Variants in RNLS observed in about 807,000 individuals in gnomAD.
The protein encoded by RNLS is renalase, FAD dependent amine oxidase.
Under a neutral mutation model 39.8 loss-of-function variants are expected in RNLS, and 39 were observed. The ratio of observed to expected loss-of-function variants is 0.98; its 90% CI spans 0.76 to 1.28. RNLS has a LOEUF of 1.28. Ranked by LOEUF, RNLS falls within the 50% of genes most tolerant of loss-of-function variation. The pLI is 0.00. For missense variants in RNLS, 410 were observed against 413.3 expected (o/e 0.99, Z 0.07); for synonymous variants, 147 against 150.7 (o/e 0.98, Z 0.18).
At chr10:88,473,708 C>T in intron 4 of RNLS, among the ~76,000 whole-genome samples, 2 of 146,466 alleles carry the variant, frequency 1.4e-5, no homozygotes, top group African/African-American at 4.9e-5. Context: ...TTTGGGCAAC[C>T]CTTTAGACCT....
At chr10:88,436,464 T>G (rs1360388436) in intron 4 of RNLS, among the ~76,000 whole-genome samples, 1 of 152,226 alleles carries the variant, frequency 6.6e-6, no homozygotes, top group Non-Finnish European at 1.5e-5. Flanking sequence ...TTATGCCAGT[T>G]GTATATTTTA....
In RNLS at chr10:88,557,184, T is replaced by C. The variant is rs74527801; in HGVS notation, c.526+15719A>G. 5.7e-4 allele frequency among the ~76,000 whole-genome samples: 87 copies of C among 152,296 alleles called. 2 individuals are homozygous for C. In the East Asian group the frequency reaches 0.015, roughly 27 times the overall value. On this transcript the variant is annotated intron_variant, in intron 4 of 6. Transcript: ENST00000331772. ...GCATTTGGCAAGTAAAATTATAAGA[T>C]GCAAAAAGTATCTAAAAAGTCACAG...
the RNLS span, among the ~76,000 whole-genome samples, chr10:88,240,091 C>T: frequency 8.5e-5 from 13 of 152,276 alleles, no homozygotes; most frequent in Non-Finnish European, 1.3e-4. Context: ...TTTCCTTCTT[C>T]GCTCTGTTTT....
At chr10:88,333,721 T>C (rs1167686959) in intron 5 of RNLS, among the ~76,000 whole-genome samples, 3 of 152,188 alleles carry the variant, frequency 2.0e-5, no homozygotes, top group Admixed American at 2.0e-4. Context: ...AAAACTCGTA[T>C]GTGAAATCTA....
chr10:88,524,284 T>C (rs1348704919), intron 4 of RNLS, among the ~76,000 whole-genome samples: 2 of 152,114 alleles, frequency 1.3e-5, no homozygotes, highest in African/African-American at 2.4e-5. Flanking sequence ...CATGTATATA[T>C]TGTGACGTTA....
chr10:88,384,974 C>CACTT lies in RNLS; in HGVS notation c.527-22253_527-22250dup, dbSNP rs576387899. Among the ~76,000 whole-genome samples, 326 of 152,332 alleles carry CACTT rather than the reference C, an allele frequency of 2.1e-3. 1 individual carries two copies. Among genetic ancestry groups the CACTT allele is most frequent in the African/African-American group, 7.4e-3 (308 of 41,564 alleles). On this transcript the variant is annotated intron_variant, in intron 4 of 6. Transcript: ENST00000331772. ...GTTAGCTGTGTGACCTTGGTCAAATCACTTAACCTTTCTGAGCTGAGGTAC... is the reference window on the plus strand; with the variant it reads ...GTTAGCTGTGTGACCTTGGTCAAATCACTTACTTAACCTTTCTGAGCTGAGGTAC...
chr10:88,296,683 A>T (rs1844120234), intron 6 of RNLS, among the ~76,000 whole-genome samples: 1 of 152,158 alleles, frequency 6.6e-6, no homozygotes, highest in South Asian at 2.1e-4. Context: ...GCTTAATTGA[A>T]CCTATATACA....
At chr10:88,489,027 G>A (rs904330587) in intron 4 of RNLS, among the ~76,000 whole-genome samples, 1 of 152,102 alleles carries the variant, frequency 6.6e-6, no homozygotes, top group African/African-American at 2.4e-5. Context: ...GTACAAAGTG[G>A]TCTTACCTCG....
chr10:88,326,268 T>C (rs1284208137), intron 5 of RNLS, among the ~76,000 whole-genome samples: 2 of 152,178 alleles, frequency 1.3e-5, no homozygotes, highest in Admixed American at 6.5e-5. Context: ...GTGGGGAAGT[T>C]TGGAACTTCC....
At chr10:88,335,852 A>C (rs1205818477) in intron 5 of RNLS, among the ~76,000 whole-genome samples, 1 of 152,216 alleles carries the variant, frequency 6.6e-6, no homozygotes, top group Non-Finnish European at 1.5e-5. Flanking sequence ...GATGATTGTT[A>C]TTCAGTGTTT....
intron 5 of RNLS, among the ~76,000 whole-genome samples, chr10:88,317,887 G>C (rs1316403965): frequency 6.6e-6 from 1 of 152,186 alleles, no homozygotes; most frequent in Non-Finnish European, 1.5e-5. Flanking sequence ...CTGTGCTAAG[G>C]GGTAGTGGGT....
At chr10:88,231,871 T>C in the RNLS span, among the ~76,000 whole-genome samples, 2 of 151,836 alleles carry the variant, frequency 1.3e-5, no homozygotes, top group Admixed American at 1.3e-4. Flanking sequence ...CAAAAAAAAT[T>C]GGATGTATTT....
intron 6 of RNLS, among the ~76,000 whole-genome samples, chr10:88,307,811 A>C (rs1845039076): frequency 6.6e-6 from 1 of 152,260 alleles, no homozygotes; most frequent in Non-Finnish European, 1.5e-5. Flanking sequence ...CATTCTTCAA[A>C]AAACTAGAAA....
the RNLS span, among the ~76,000 whole-genome samples, chr10:88,267,972 T>C: frequency 6.6e-6 from 1 of 152,202 alleles, no homozygotes; most frequent in African/African-American, 2.4e-5. Flanking sequence ...GGAGAAACGT[T>C]GGTGTAAGAT....
the RNLS span, among the ~76,000 whole-genome samples, chr10:88,178,460 T>G: frequency 6.6e-6 from 1 of 152,154 alleles, no homozygotes; most frequent in Non-Finnish European, 1.5e-5. Context: ...AGGACTCTCC[T>G]GTAGTTATGA....
Position 88,390,757 on chromosome 10 carries a change from T to C in RNLS, c.527-28032A>G, listed in dbSNP as rs143244698. Among the ~76,000 whole-genome samples the C allele has an allele frequency of 3.3e-5, 5 of 152,274 alleles. No homozygotes were observed. The East Asian group carries it at 9.6e-4, about 29-fold the overall frequency. On this transcript the variant is annotated intron_variant, in intron 4 of 6. Coordinates refer to ENST00000331772, the MANE Select transcript of RNLS (RefSeq NM_001031709.3). ...GAAGGGTGTCTCAAAGTATAAATTATTATGGGACTGTTAACTGACATTCAG... is the reference window on the plus strand; with the variant it reads ...GAAGGGTGTCTCAAAGTATAAATTACTATGGGACTGTTAACTGACATTCAG...
chr10:88,232,239 G>A, the RNLS span, among the ~76,000 whole-genome samples: 1 of 152,134 alleles, frequency 6.6e-6, no homozygotes, highest in African/African-American at 2.4e-5. Flanking sequence ...GCTTAGGCCT[G>A]TGTCACATGG....
At chr10:88,323,651 C>G (rs1846346088) in intron 5 of RNLS, among the ~76,000 whole-genome samples, 1 of 152,050 alleles carries the variant, frequency 6.6e-6, no homozygotes, top group African/African-American at 2.4e-5. Context: ...TATAAAAATA[C>G]TAGAAGAAAA....
At chr10:88,191,019 T>A in the RNLS span, among the ~76,000 whole-genome samples, 1 of 152,224 alleles carries the variant, frequency 6.6e-6, no homozygotes, top group Non-Finnish European at 1.5e-5. Context: ...AGGCACAGAA[T>A]TGTGCCAGGA....
Sources: allele counts gnomAD v4.1 joint callset (sites outside exome capture counted in the v4.1 genomes callset), GRCh38; gene constraint gnomAD v4.1.1; transcripts MANE v1.5; gene names NCBI Gene and HGNC (gene_info 2026-07-23, HGNC 2026-07-21).